The following EXT1 variants were observed in gnomAD, a reference collection of about 807,000 sequenced individuals.
EXT1 encodes the protein exostosin-1.
EXT1 carries 20 observed loss-of-function variants against 82.5 expected under a neutral mutation model. That is an observed-to-expected ratio of 0.24 (90% CI 0.17 to 0.35). EXT1 has a LOEUF of 0.35. EXT1 is among the 10% of genes least tolerant of loss of function. The pLI is 1.00. For missense variants in EXT1, 757 were observed against 936.5 expected, an observed-to-expected ratio of 0.81 and a Z score of 2.50; for synonymous variants, 348 against 350.8, an observed-to-expected ratio of 0.99 and a Z score of 0.09.
intron 1 of EXT1, among the ~76,000 whole-genome samples, chr8:117,959,866 T>C (rs1394347192): frequency 6.6e-6 from 1 of 152,218 alleles, no homozygotes; most frequent in African/African-American, 2.4e-5. Context: ...CAAAGCTTCA[T>C]TGTGACTTCA....
rs140956962 is a variant in EXT1, at chr8:117,914,902, C to T, written c.963-77701G>A. 2.0e-3 allele frequency among the ~76,000 whole-genome samples: 307 copies of T among 152,236 alleles called. 1 individual carries two copies. The highest frequency in any genetic ancestry group is 0.013 in the South Asian group (64 of 4,826). On this transcript the variant is annotated intron_variant, in intron 1 of 10. Coordinates refer to ENST00000378204, the MANE Select transcript of EXT1 (RefSeq NM_000127.3). ...TCTGCTTTTGCCCTTTGTCCTGTTC[C>T]CTCAGAAGCATGTGATCTTTATTAG... is the stretch of plus-strand genomic sequence containing the variant.
intron 1 of EXT1, among the ~76,000 whole-genome samples, chr8:118,028,351 T>C (rs1027029138): frequency 6.6e-6 from 1 of 152,204 alleles, no homozygotes; most frequent in African/African-American, 2.4e-5. Context: ...CAGATACCTC[T>C]AGAAAATTGA....
intron 1 of EXT1, among the ~76,000 whole-genome samples, chr8:117,936,492 G>C (rs1482507376): frequency 6.6e-6 from 1 of 152,184 alleles, no homozygotes; most frequent in Non-Finnish European, 1.5e-5. Flanking sequence ...CCAAATTGCT[G>C]ATTAACTTAC....
Position 118,091,080 on chromosome 8 carries a change from C to T in EXT1, c.962+19005G>A, listed in dbSNP as rs762791393. On this transcript the variant is annotated intron_variant, in intron 1 of 10. Transcript: ENST00000378204. The stretch of plus-strand genomic sequence containing the variant: ...CTATTAGGAAGTTGCTAGAGAGTTC[C>T]GCTACAATTCTCTTCAATGAGTTCA... Among the ~76,000 whole-genome samples the T allele has an allele frequency of 3.3e-5, 5 of 152,192 alleles. No individual in the cohort carries two copies. In the South Asian group the frequency reaches 6.2e-4, roughly 19 times the overall value.
intron 1 of EXT1, among the ~76,000 whole-genome samples, chr8:118,084,330 T>C (rs900843823): frequency 6.6e-6 from 1 of 152,192 alleles, no homozygotes; most frequent in African/African-American, 2.4e-5. Flanking sequence ...CAACTGCAAG[T>C]CGTGTCATAG....
At chr8:118,075,421 G>C (rs1426710363) in intron 1 of EXT1, among the ~76,000 whole-genome samples, 1 of 152,220 alleles carries the variant, frequency 6.6e-6, no homozygotes, top group African/African-American at 2.4e-5. Context: ...CTAAGGCACA[G>C]AAATGTTTGT....
intron 1 of EXT1, among the ~76,000 whole-genome samples, chr8:118,102,363 C>T (rs1305387910): frequency 1.3e-5 from 2 of 151,122 alleles, no homozygotes; most frequent in Admixed American, 1.3e-4. Flanking sequence ...AAAAATCACA[C>T]CTTAAAAATC....
chr8:117,998,202 C>A (rs540298010), intron 1 of EXT1, among the ~76,000 whole-genome samples: 2 of 151,946 alleles, frequency 1.3e-5, no homozygotes, highest in Admixed American at 6.6e-5. Context: ...TTAATAGAGA[C>A]GGGATTTCAC....
intron 1 of EXT1, among the ~76,000 whole-genome samples, chr8:117,940,802 G>A (rs766188519): frequency 2.6e-5 from 4 of 152,198 alleles, no homozygotes; most frequent in Non-Finnish European, 5.9e-5. Flanking sequence ...TACAATGGAA[G>A]CTGCTGGCAT....
Position 117,835,557 on chromosome 8 carries a change from C to A in EXT1, c.1057-6G>T. 6.2e-7 allele frequency: 1 copy of A among 1,604,202 alleles called. No homozygotes were observed. Among genetic ancestry groups the A allele is most frequent in the South Asian group, 1.1e-5 (1 of 90,496 alleles). On this transcript the variant is annotated splice_region_variant and splice_polypyrimidine_tract_variant and intron_variant, in intron 2 of 10. Transcript: ENST00000378204. ...ATCACAGGGACGCAGGCAGCCTGAG[C>A]AAAAAAGGGGACTTCGTGAATGTGA...
intron 1 of EXT1, among the ~76,000 whole-genome samples, chr8:117,976,746 AAT>A (rs956155187): frequency 7.4e-4 from 113 of 152,336 alleles, no homozygotes; most frequent in African/African-American, 2.5e-3. Flanking sequence ...ATTTTAAATA[AAT>A]ATGTTTAGAT....
chr8:118,061,932 G>C (rs1586370591), intron 1 of EXT1, among the ~76,000 whole-genome samples: 1 of 151,988 alleles, frequency 6.6e-6, no homozygotes, highest in East Asian at 1.9e-4. Context: ...TGGATAAAAT[G>C]ACAAGATGCT....
intron 10 of EXT1, among the ~76,000 whole-genome samples, 177 bp downstream of exon 10, chr8:117,804,545 T>G (rs1168893318): frequency 2.0e-5 from 3 of 152,224 alleles, no homozygotes; most frequent in African/African-American, 7.2e-5. Flanking sequence ...AACTTGTGTC[T>G]TCCTAATTAT....
chr8:118,057,603 G>C (rs184528928), intron 1 of EXT1, among the ~76,000 whole-genome samples: 41 of 152,084 alleles, frequency 2.7e-4, no homozygotes, highest in African/African-American at 9.2e-4. Flanking sequence ...CCACTAAGTA[G>C]CTAGGATTGT....
At chr8:117,887,258 T>C (rs1813162418) in intron 1 of EXT1, among the ~76,000 whole-genome samples, 1 of 152,226 alleles carries the variant, frequency 6.6e-6, no homozygotes, top group African/African-American at 2.4e-5. Context: ...CTCTGAGATA[T>C]TTCCTTCTCC....
chr8:117,968,044 T>C (rs575936974), intron 1 of EXT1, among the ~76,000 whole-genome samples: 114 of 152,380 alleles, frequency 7.5e-4, no homozygotes, highest in African/African-American at 2.5e-3. Context: ...ACCATTTTAC[T>C]ATCTACATAT....
At chr8:117,851,206 A>T (rs17430364) in intron 1 of EXT1, among the ~76,000 whole-genome samples, 22,566 of 152,178 alleles carry the variant, frequency 0.15, 2,076 homozygotes, top group East Asian at 0.38. Context: ...TCCAGATGAA[A>T]AAAAGCAGCC....
At chr8:118,025,349 A>G (rs1375392617) in intron 1 of EXT1, among the ~76,000 whole-genome samples, 1 of 152,206 alleles carries the variant, frequency 6.6e-6, no homozygotes, top group African/African-American at 2.4e-5. Flanking sequence ...AGACCTGGAG[A>G]GCCAACATTC....
chr8:117,900,900 T>C (rs1239432171), intron 1 of EXT1, among the ~76,000 whole-genome samples: 1 of 152,260 alleles, frequency 6.6e-6, no homozygotes, highest in Non-Finnish European at 1.5e-5. Context: ...TTTCCTCAAG[T>C]AATCTTGGCA....
Sources: allele counts gnomAD v4.1 joint callset (sites outside exome capture counted in the v4.1 genomes callset), GRCh38; gene constraint gnomAD v4.1.1; transcripts MANE v1.5; gene names NCBI Gene and HGNC (gene_info 2026-07-23, HGNC 2026-07-21).